The following MLPH variants were observed in gnomAD, a reference collection of about 807,000 sequenced individuals.
MLPH encodes melanophilin.
Under a neutral mutation model 72.1 loss-of-function variants are expected in MLPH, and 51 were observed. The ratio of observed to expected loss-of-function variants is 0.71; its 90% CI spans 0.56 to 0.89. MLPH has a LOEUF of 0.89. Among genes scored for constraint, MLPH ranks in the 40% least tolerant of loss-of-function variants. The pLI is 0.00. For missense variants in MLPH, 743 were observed against 759.9 expected (o/e 0.98, Z 0.26); for synonymous variants, 301 against 310.1 (o/e 0.97, Z 0.31).
chr2:237,508,461 A>G (rs2079822708), intron 2 of MLPH, among the ~76,000 whole-genome samples: 1 of 152,136 alleles, frequency 6.6e-6, no homozygotes, highest in South Asian at 2.1e-4. Context: ...AGTTGGGCCC[A>G]CTGCCCTGAC....
chr2:237,545,784 C>A, intron 12 of MLPH: 3 of 490,180 alleles, frequency 6.1e-6, no homozygotes, highest in Admixed American at 4.7e-5. Flanking sequence ...TACAGGATGC[C>A]CAGTTAGCTC....
rs2079861746 is a variant in MLPH, at chr2:237,510,268, G to A, written c.111-306G>A. ...TGCCCTGGGGAGGGCGCAGTGACCT[G>A]CCAACCAAAATTGGTACAATTGTAA... On this transcript the variant is annotated intron_variant, in intron 2 of 15. Transcript: ENST00000264605. This position sits in a 1 kb window ranked among gnomAD's most constrained non-coding sequence, Gnocchi z 4.4. 2.4e-6 allele frequency: 1 copy of A among 423,408 alleles called. No individual in the cohort carries two copies. Among genetic ancestry groups the A allele is most frequent in the Admixed American group, 3.5e-5 (1 of 28,280 alleles). 26.2% of individuals were successfully genotyped at this position (423,408 alleles called of 1,614,324 possible). A position where few individuals can be genotyped will look rare whatever the true frequency, so the allele number is the denominator to read the frequency against.
In MLPH at chr2:237,497,863, C is replaced by T. The variant is rs555963765; in HGVS notation, c.110+4327C>T. On this transcript the variant is annotated intron_variant, in intron 2 of 15. Coordinates refer to ENST00000264605, the MANE Select transcript of MLPH (RefSeq NM_024101.7). Reference sequence around the variant, plus strand: ...GGTCCTCATGTCTGCTCCCGGTCACCGAGTCTTAAATATCTGAATCAGCAA... The same window carrying T: ...GGTCCTCATGTCTGCTCCCGGTCACTGAGTCTTAAATATCTGAATCAGCAA... Among the ~76,000 whole-genome samples, 34 of 152,266 alleles carry T rather than the reference C, an allele frequency of 2.2e-4. No homozygotes were observed. The South Asian group carries it at 6.4e-3, about 29-fold the overall frequency.
At chr2:237,540,662 G>C in intron 10 of MLPH, 129 bp downstream of exon 10, 1 of 1,493,886 alleles carries the variant, frequency 6.7e-7, no homozygotes, top group South Asian at 1.2e-5. Flanking sequence ...CCCTTGATGG[G>C]GTCTGCAGCG....
At chr2:237,518,234 TATGG>T in intron 4 of MLPH, 1 of 475,844 alleles carries the variant, frequency 2.1e-6, no homozygotes. Flanking sequence ...TAGGTGGGTG[TATGG>T]GTGGGTGGAT....
At chr2:237,521,433 T>C (rs1253501265) in intron 6 of MLPH, among the ~76,000 whole-genome samples, 1 of 152,174 alleles carries the variant, frequency 6.6e-6, no homozygotes, top group African/African-American at 2.4e-5. Context: ...GTCTTGTTCA[T>C]CCATCATTGA....
At position 237,493,405 on chromosome 2, in the gene MLPH, G is replaced by T. The variant is rs778189608; in HGVS notation, c.-22G>T. On this transcript the variant is annotated splice_region_variant and 5_prime_UTR_variant, in exon 2 of 16. Transcript: ENST00000264605. ...CTTGTGATCCTGTGACATTCCAGGT[G>T]TGACCCCGACAAGAAGCAGAAATGG... 1.3e-6 allele frequency: 2 copies of T among 1,592,908 alleles called. No homozygotes were observed. Among genetic ancestry groups the T allele is most frequent in the African/African-American group, 2.7e-5 (2 of 74,584 alleles).
chr2:237,519,342 G>A (rs773541042), intron 5 of MLPH, among the ~76,000 whole-genome samples: 1 of 152,170 alleles, frequency 6.6e-6, no homozygotes, highest in Non-Finnish European at 1.5e-5. Context: ...TTTCGTTTGA[G>A]AACATTTGAT....
At chr2:237,513,239 G>T (rs749364890) in intron 4 of MLPH, among the ~76,000 whole-genome samples, 1 of 152,216 alleles carries the variant, frequency 6.6e-6, no homozygotes, top group Non-Finnish European at 1.5e-5. Flanking sequence ...CCTTCAGAGT[G>T]CTGGTGTTTC....
At chr2:237,549,762 G>A (rs2080995368) in intron 14 of MLPH, among the ~76,000 whole-genome samples, 1 of 152,114 alleles carries the variant, frequency 6.6e-6, no homozygotes, top group Non-Finnish European at 1.5e-5. Context: ...CCAGAGGCTG[G>A]TAGCTCCTCC....
At chr2:237,514,386 G>A (rs529319969) in intron 4 of MLPH, among the ~76,000 whole-genome samples, 11 of 152,204 alleles carry the variant, frequency 7.2e-5, no homozygotes, top group Admixed American at 2.0e-4. Flanking sequence ...AGCATAAACC[G>A]TGCATGCCCA....
chr2:237,553,110 C>T (rs1043531485), intron 15 of MLPH: 1 of 472,390 alleles, frequency 2.1e-6, no homozygotes, highest in African/African-American at 2.0e-5. Context: ...AAGGAGTGGC[C>T]CCAACCAATG....
rs551270376 is a variant in MLPH at position 237,497,169 on chromosome 2, T to C, written c.110+3633T>C. 2.0e-4 allele frequency among the ~76,000 whole-genome samples: 30 copies of C among 152,290 alleles called. 1 individual carries two copies. The South Asian group carries it at 5.2e-3, about 26-fold the overall frequency. On this transcript the variant is annotated intron_variant, in intron 2 of 15. Transcript: ENST00000264605. ...TGGGAGCTCTATGAGTATCTAACGCTGCCGCTGACCTGGCAGGAGGCGGAG... is the reference window on the plus strand; with the variant it reads ...TGGGAGCTCTATGAGTATCTAACGCCGCCGCTGACCTGGCAGGAGGCGGAG...
chr2:237,533,390 CTTTTTT>C (rs746139615), intron 8 of MLPH, among the ~76,000 whole-genome samples: 1 of 108,008 alleles, frequency 9.3e-6, no homozygotes, highest in African/African-American at 3.8e-5. Context: ...ATTTTCTTTT[CTTTTTT>C]TTTTTTTTTT....
At position 237,552,453 on chromosome 2, in the gene MLPH, A is replaced by G. The variant is rs990487725; in HGVS notation, c.1776+16A>G. 1.4e-5 allele frequency: 23 copies of G among 1,609,100 alleles called. No individual in the cohort carries two copies. Among genetic ancestry groups the G allele is most frequent in the African/African-American group, 2.7e-5 (2 of 74,832 alleles). On this transcript the variant is annotated intron_variant, in intron 15 of 15. Transcript: ENST00000264605. ...CACCTTCGCGGTAAAGTTTTCTCTC[A>G]TTCTCTGAGGAGTTTTTAAAGTTCA... is the stretch of plus-strand genomic sequence containing the variant.
At chr2:237,519,168 G>GT (rs2080121945) in intron 5 of MLPH, among the ~76,000 whole-genome samples, 1 of 151,990 alleles carries the variant, frequency 6.6e-6, no homozygotes, top group East Asian at 1.9e-4. Context: ...GACAAACGAG[G>GT]TAACACCTGG....
intron 13 of MLPH, among the ~76,000 whole-genome samples, chr2:237,547,341 T>C (rs113649975): frequency 0.072 from 2,669 of 37,304 alleles, 96 homozygotes; most frequent in Middle Eastern, 0.14. Context: ...TCCCCGTGTT[T>C]AGGTGGAGTG....
At chr2:237,550,636 G>C (rs186440769) in intron 14 of MLPH, among the ~76,000 whole-genome samples, 5 of 151,990 alleles carry the variant, frequency 3.3e-5, no homozygotes, top group Admixed American at 1.3e-4. Context: ...TGCACCCCCC[G>C]CTTCCTGGGT....
At chr2:237,545,810 C>A in intron 12 of MLPH, 1 of 281,264 alleles carries the variant, frequency 3.6e-6, no homozygotes, top group South Asian at 4.2e-5. Flanking sequence ...TTCAGATCAA[C>A]AACTAATAAT....
Sources: allele counts gnomAD v4.1 joint callset (sites outside exome capture counted in the v4.1 genomes callset), GRCh38; gene constraint gnomAD v4.1.1; non-coding constraint Gnocchi (gnomAD v3.1); transcripts MANE v1.5; gene names NCBI Gene and HGNC (gene_info 2026-07-23, HGNC 2026-07-21).